Variants in NFKB2 observed in about 807,000 individuals in gnomAD.
The protein encoded by NFKB2 is nuclear factor kappa B subunit 2.
In NFKB2, 21 loss-of-function variants were observed where a neutral mutation model predicts 109.3. That is an observed-to-expected ratio of 0.19 (90% confidence interval 0.14 to 0.28). The LOEUF is 0.28. Among genes scored for constraint, NFKB2 ranks in the 10% least tolerant of loss-of-function variants. The pLI, the probability that NFKB2 is intolerant of heterozygous loss-of-function variation, is 1.00. For missense variants in NFKB2, 806 were observed against 1,185.3 expected (o/e 0.68, Z 4.70); for synonymous variants, 478 against 489.9 (o/e 0.98, Z 0.32).
chr10:102,399,944 G>C, intron 14 of NFKB2, 136 bp from the exon 15 acceptor site: 5 of 1,085,180 alleles, frequency 4.6e-6, no homozygotes, highest in East Asian at 2.6e-5. Flanking sequence ...GAAACGTTAA[G>C]TGCAGGCACA....
rs746467194 is a variant in NFKB2 at position 102,399,337 on chromosome 10, G to C, written c.1167G>C (p.Gln389His). The C allele has an allele frequency of 3.8e-6, 6 of 1,579,996 alleles. No individual in the cohort carries two copies. In the Admixed American group the frequency reaches 7.4e-5, roughly 19 times the overall value. The change falls in exon 13 of 23, where the codon CAG becomes CAC. Residue 389 changes from glutamine to histidine, a missense_variant. Gln to His is a conservative substitution (Grantham distance 24). Transcript: ENST00000661543. Reference sequence around the variant, plus strand: ...CCTCCCTGGCCTACAGCCCCTACCAGTCCGGCGCGGGCCCCATGGGCTGCT... The same window carrying C: ...CCTCCCTGGCCTACAGCCCCTACCACTCCGGCGCGGGCCCCATGGGCTGCT... ...FPSSLAYSPY[Q>H]SGAGPMGCYP...
rs1396952743 is a variant in NFKB2 at position 102,396,016 on chromosome 10, GC to G, written c.21+40del. The G allele has an allele frequency of 6.2e-7, 1 of 1,611,004 alleles. No homozygotes were observed. Among genetic ancestry groups the G allele is most frequent in the Non-Finnish European group, 8.5e-7 (1 of 1,179,880 alleles). On this transcript the variant is annotated intron_variant, in intron 2 of 22. Transcript: ENST00000661543. The surrounding 1 kb of genome is among the most constrained non-coding windows in gnomAD (Gnocchi z 5.9). ...CCGCCTGCCCCTGACCCGGCCGGCT[GC>G]CCCTCGTGTCTGTCCACCTGTCTGC...
chr10:102,397,595 C>A lies in NFKB2; in HGVS notation c.571C>A (p.Arg191=), dbSNP rs979591101. 2 of 1,614,094 alleles carry A rather than the reference C, an allele frequency of 1.2e-6. No homozygotes were observed. The highest frequency in any genetic ancestry group is 2.7e-5 in the African/African-American group (2 of 75,042). Reference sequence around the variant, plus strand: ...GAAGGTGATGGATCTGAGTATAGTGCGGCTGCGCTTCTCTGCCTTCCTTAG... The same window carrying A: ...GAAGGTGATGGATCTGAGTATAGTGAGGCTGCGCTTCTCTGCCTTCCTTAG... ...LKKVMDLSIV[R]LRFSAFLRAS... Residue 191 remains arginine (R), a synonymous_variant, in exon 8 of 23, where the codon CGG becomes AGG. Transcript: ENST00000661543. The surrounding 1 kb of genome is among the most constrained non-coding windows in gnomAD (Gnocchi z 4.7).
chr10:102,400,374 G>A lies in NFKB2; in HGVS notation c.1681G>A (p.Asp561Asn), dbSNP rs1363062258. Residue 561 changes from aspartate (D) to asparagine (N), a missense_variant, in exon 16 of 23, where the codon GAC (aspartate) becomes AAC (asparagine). Asp to Asn is a conservative substitution (Grantham distance 23). This residue lies in a region of NFKB2 where 163 missense variants were observed against 207.1 expected (regional missense o/e 0.79). Transcript: ENST00000661543. The surrounding 1 kb of genome is among the most constrained non-coding windows in gnomAD (Gnocchi z 6.3). The part of the protein sequence containing the change: ...ADPALLDRHG[D>N]SAMHLALRAG... ...CCCAGCTCTGCTGGATCGGCATGGA[G>A]ACTCAGCCATGCATCTGGCGCTGCG... 8 of 1,613,756 alleles carry A rather than the reference G, an allele frequency of 5.0e-6. 1 individual carries two copies. In the Admixed American group the frequency reaches 1.2e-4, roughly 24 times the overall value.
rs370435318 is a variant in NFKB2 at position 102,401,135 on chromosome 10, T to C, written c.2072-45T>C. The C allele has an allele frequency of 1.2e-5, 19 of 1,604,596 alleles. No homozygotes were observed. Among genetic ancestry groups the C allele is most frequent in the Non-Finnish European group, 1.6e-5 (19 of 1,173,334 alleles). ...AGTCCCCCGACTTTGCAGTCCTTAA[T>C]GTAGGCCCCCACCATACCGCCCCAT... On this transcript the variant is annotated intron_variant, in intron 18 of 22. Coordinates refer to ENST00000661543, the MANE Select transcript of NFKB2 (RefSeq NM_001322934.2). The surrounding 1 kb of genome is among the most constrained non-coding windows in gnomAD (Gnocchi z 4.2).
In NFKB2 at chr10:102,400,168, G is replaced by A. The variant is rs760195291; in HGVS notation, c.1558G>A (p.Val520Ile). The A allele has an allele frequency of 6.2e-7, 1 of 1,614,186 alleles. No individual in the cohort carries two copies. The highest frequency in any genetic ancestry group is 1.1e-5 in the South Asian group (1 of 91,084). The change falls in exon 15 of 23, where the codon GTC (valine) becomes ATC (isoleucine). Residue 520 changes from valine to isoleucine, a missense_variant. Physicochemically the swap from Val to Ile is conservative, Grantham distance 29. This residue lies in a region of NFKB2 where 163 missense variants were observed against 207.1 expected (regional missense o/e 0.79). Transcript: ENST00000661543. The surrounding 1 kb of genome is among the most constrained non-coding windows in gnomAD (Gnocchi z 6.3). ...CCACCACGCCCAGGACCTCGGCGTT[G>A]TCAACCTCACCAACCACCTGCACCA... Reference protein sequence around the residue: ...VIHHAQDLGVVNLTNHLHQTP... With the variant: ...VIHHAQDLGVINLTNHLHQTP...
At position 102,400,958 on chromosome 10, in the gene NFKB2, C is replaced by A. The variant is rs770000992; in HGVS notation, c.1980C>A (p.Asn660Lys). 6.2e-7 allele frequency: 1 copy of A among 1,613,490 alleles called. No individual in the cohort carries two copies. The highest frequency in any genetic ancestry group is 1.1e-5 in the South Asian group (1 of 90,926). ...GCTCGCACCCCCAGCTCCGGGCCAACGTGAACGCTCGCACCTTTGCGGGAA... is the reference window on the plus strand; with the variant it reads ...GCTCGCACCCCCAGCTCCGGGCCAAAGTGAACGCTCGCACCTTTGCGGGAA... ...VTHLVTKLRA[N>K]VNARTFAGNT... Residue 660 changes from asparagine (N) to lysine (K), a missense_variant, in exon 18 of 23, where the codon AAC becomes AAA. Coordinates refer to ENST00000661543, the MANE Select transcript of NFKB2 (RefSeq NM_001322934.2). The surrounding 1 kb of genome is among the most constrained non-coding windows in gnomAD (Gnocchi z 6.3).
chr10:102,398,941 TG>T lies in NFKB2; in HGVS notation c.1117+79del. On this transcript the variant is annotated intron_variant, in intron 12 of 22. Coordinates refer to ENST00000661543, the MANE Select transcript of NFKB2 (RefSeq NM_001322934.2). This position sits in a 1 kb window ranked among gnomAD's most constrained non-coding sequence, Gnocchi z 6.6. The stretch of plus-strand genomic sequence containing the variant: ...AAAAAAATCTGGGGGAGGCCGGGCG[TG>T]GTGGCTCACGCCTGTAATCCAGCCC... The T allele has an allele frequency of 6.7e-7, 1 of 1,485,330 alleles. No homozygotes were observed. Among genetic ancestry groups the T allele is most frequent in the Non-Finnish European group, 9.1e-7 (1 of 1,096,314 alleles). The allele number at this position is 1,485,330 out of a possible 1,614,324, so 92.0% of individuals were successfully genotyped here. A position where few individuals can be genotyped will look rare whatever the true frequency, so the allele number is the denominator to read the frequency against.
In NFKB2 at chr10:102,401,575, TCTC is replaced by T. The variant is rs2061251224; in HGVS notation, c.2293+60_2293+62del. 1.3e-6 allele frequency: 2 copies of T among 1,583,772 alleles called. No homozygotes were observed. Among genetic ancestry groups the T allele is most frequent in the East Asian group, 2.2e-5 (1 of 44,700 alleles). ...CCTCTGACTCCTCACAGAGGTCTCT[TCTC>T]CTTCAGGACCTCTGAAGGAGGCCTC... is the stretch of plus-strand genomic sequence containing the variant. On this transcript the variant is annotated intron_variant, in intron 20 of 22. Coordinates refer to ENST00000661543, the MANE Select transcript of NFKB2 (RefSeq NM_001322934.2). The surrounding 1 kb of genome is among the most constrained non-coding windows in gnomAD (Gnocchi z 4.2).
In NFKB2 at chr10:102,400,473, C is replaced by G. The variant is rs1460012854; in HGVS notation, c.1780C>G (p.His594Asp). ...AGCTCCTGCTGTGCCCCAGCTGTTG[C>G]ATATGCCTGACTTTGAGGGTGAGCT... ...SGAPAVPQLLHMPDFEGLYPV... is the reference protein window; with the variant it reads ...SGAPAVPQLLDMPDFEGLYPV... Residue 594 changes from histidine (H) to aspartate (D), a missense_variant, in exon 16 of 23, where the codon CAT becomes GAT. His to Asp is a moderately conservative substitution (Grantham distance 81). Around this residue, in one of 10 missense-constraint regions of NFKB2, gnomAD observed 163 missense variants for 207.1 expected, o/e 0.79. Transcript: ENST00000661543. The surrounding 1 kb of genome is among the most constrained non-coding windows in gnomAD (Gnocchi z 6.3). 1 of 1,608,296 alleles carries G rather than the reference C, an allele frequency of 6.2e-7. No homozygotes were observed. Among genetic ancestry groups the G allele is most frequent in the South Asian group, 1.1e-5 (1 of 90,538 alleles).
chr10:102,402,152 C>T lies in NFKB2; in HGVS notation c.2571C>T (p.Pro857=), dbSNP rs1342322560. The T allele has an allele frequency of 1.3e-6, 2 of 1,572,892 alleles. No individual in the cohort carries two copies. The highest frequency in any genetic ancestry group is 8.6e-7 in the Non-Finnish European group (1 of 1,158,602). The change falls in exon 22 of 23, where the codon CCC becomes CCT. Residue 857 remains proline (P), a synonymous_variant. Coordinates refer to ENST00000661543, the MANE Select transcript of NFKB2 (RefSeq NM_001322934.2). ...GTCCAGAAACCCGAGACAAGCTGCC[C>T]AGCACAGGTAAAGGGGCCTCCCTGG... ...LRGPETRDKL[P]STAEVKEDSA...
chr10:102,395,377 T>C (rs1299763100), upstream of NFKB2, among the ~76,000 whole-genome samples: 1 of 152,068 alleles, frequency 6.6e-6, no homozygotes, highest in East Asian at 1.9e-4. Context: ...TTATCAGCCG[T>C]GGCCTCCCTC....
rs1307451838 is a variant in NFKB2 at position 102,401,140 on chromosome 10, G to A, written c.2072-40G>A. On this transcript the variant is annotated intron_variant, in intron 18 of 22. Transcript: ENST00000661543. This position sits in a 1 kb window ranked among gnomAD's most constrained non-coding sequence, Gnocchi z 4.2. ...CCCGACTTTGCAGTCCTTAATGTAG[G>A]CCCCCACCATACCGCCCCATGACGG... The A allele has an allele frequency of 1.2e-6, 2 of 1,601,700 alleles. No individual in the cohort carries two copies. Among genetic ancestry groups the A allele is most frequent in the South Asian group, 1.1e-5 (1 of 90,238 alleles).
rs1383478659 is a variant in NFKB2 at position 102,395,873 on chromosome 10, T to G, written c.-72-15T>G. On this transcript the variant is annotated splice_polypyrimidine_tract_variant and intron_variant, in intron 1 of 22. Transcript: ENST00000661543. Reference sequence around the variant, plus strand: ...GATCTGACCCCCTCCCCCACGCCACTCCTCCCAACTTTAGGCGGGCGTCTA... The same window carrying G: ...GATCTGACCCCCTCCCCCACGCCACGCCTCCCAACTTTAGGCGGGCGTCTA... 5 of 555,002 alleles carry G rather than the reference T, an allele frequency of 9.0e-6. No homozygotes were observed. The highest frequency in any genetic ancestry group is 1.2e-5 in the Non-Finnish European group (5 of 417,330). The allele number at this position is 555,002 out of a possible 1,614,324, so 34.4% of individuals were successfully genotyped here.
Position 102,396,656 on chromosome 10 carries a change from GC to G in NFKB2, c.145-68del. ...TAGTTTGGTTCAGGGCTACTACCAGGCACTGCGGTCACTGCTGGCCTGGGTG... is the reference window on the plus strand; with the variant it reads ...TAGTTTGGTTCAGGGCTACTACCAGGACTGCGGTCACTGCTGGCCTGGGTG... On this transcript the variant is annotated intron_variant, in intron 4 of 22. Coordinates refer to ENST00000661543, the MANE Select transcript of NFKB2 (RefSeq NM_001322934.2). The surrounding 1 kb of genome is among the most constrained non-coding windows in gnomAD (Gnocchi z 5.9). 1 of 1,560,706 alleles carries G rather than the reference GC, an allele frequency of 6.4e-7. No homozygotes were observed. Among genetic ancestry groups the G allele is most frequent in the Non-Finnish European group, 8.8e-7 (1 of 1,133,120 alleles).
Position 102,400,366 on chromosome 10 carries a change from G to C in NFKB2, c.1673G>C (p.Arg558Pro). The change falls in exon 16 of 23, where the codon CGG (arginine) becomes CCG (proline). Residue 558 changes from arginine (R) to proline (P), a missense_variant. Physicochemically the swap from Arg to Pro is moderately radical, Grantham distance 103. Coordinates refer to ENST00000661543, the MANE Select transcript of NFKB2 (RefSeq NM_001322934.2). The surrounding 1 kb of genome is among the most constrained non-coding windows in gnomAD (Gnocchi z 6.3). ...GGTGCAGACCCAGCTCTGCTGGATC[G>C]GCATGGAGACTCAGCCATGCATCTG... ...RVGADPALLD[R>P]HGDSAMHLAL... is the part of the protein sequence containing the mutation. 1 of 1,613,766 alleles carries C rather than the reference G, an allele frequency of 6.2e-7. No individual in the cohort carries two copies. Among genetic ancestry groups the C allele is most frequent in the African/African-American group, 1.3e-5 (1 of 75,028 alleles).
In NFKB2 at chr10:102,396,426, C is replaced by A. The variant is rs763505072; in HGVS notation, c.104-23C>A. Reference sequence around the variant, plus strand: ...GGGGAGGGGCTGGGAGATCGTGGCTCAGCAAGGTCTCTCTGTCCCCAGCTG... The same window carrying A: ...GGGGAGGGGCTGGGAGATCGTGGCTAAGCAAGGTCTCTCTGTCCCCAGCTG... On this transcript the variant is annotated intron_variant, in intron 3 of 22. Coordinates refer to ENST00000661543, the MANE Select transcript of NFKB2 (RefSeq NM_001322934.2). The surrounding 1 kb of genome is among the most constrained non-coding windows in gnomAD (Gnocchi z 5.9). 4 of 1,614,086 alleles carry A rather than the reference C, an allele frequency of 2.5e-6. No individual in the cohort carries two copies. The Middle Eastern group carries it at 6.6e-4, about 266-fold the overall frequency.
rs1589867408 is a variant in NFKB2 at position 102,400,270 on chromosome 10, A to C, written c.1585-8A>C. 1 of 1,614,068 alleles carries C rather than the reference A, an allele frequency of 6.2e-7. No individual in the cohort carries two copies. The highest frequency in any genetic ancestry group is 1.7e-5 in the Admixed American group (1 of 60,030). On this transcript the variant is annotated splice_polypyrimidine_tract_variant and splice_region_variant and intron_variant, in intron 15 of 22. Coordinates refer to ENST00000661543, the MANE Select transcript of NFKB2 (RefSeq NM_001322934.2). The surrounding 1 kb of genome is among the most constrained non-coding windows in gnomAD (Gnocchi z 6.3). ...CTCGGGCCTGGCTCACCCTGCTTTCATCCCCAGACGCCCCTGCACCTGGCG... is the reference window on the plus strand; with the variant it reads ...CTCGGGCCTGGCTCACCCTGCTTTCCTCCCCAGACGCCCCTGCACCTGGCG...
intron 22 of NFKB2, 23 bp from the exon 23 acceptor site, chr10:102,402,229 T>C: frequency 6.4e-7 from 1 of 1,551,540 alleles, no homozygotes; most frequent in Non-Finnish European, 8.7e-7. Context: ...GACTATCCCA[T>C]TCCTGTCCCC....
Sources: allele counts gnomAD v4.1 joint callset (sites outside exome capture counted in the v4.1 genomes callset), GRCh38; gene constraint gnomAD v4.1.1; regional missense constraint gnomAD v4.1.1; non-coding constraint Gnocchi (gnomAD v3.1); transcripts MANE v1.5; gene names NCBI Gene and HGNC (gene_info 2026-07-23, HGNC 2026-07-21).